The following FAM13A variants were observed in gnomAD, a reference collection of about 807,000 sequenced individuals.
The protein encoded by FAM13A is protein FAM13A.
A neutral mutation model predicts 129.6 loss-of-function variants in FAM13A; 76 were observed. The ratio of observed to expected loss-of-function variants is 0.59; its 90% CI spans 0.49 to 0.71. The LOEUF is 0.71. Among genes scored for constraint, FAM13A ranks in the 30% least tolerant of loss-of-function variants. FAM13A has a pLI of 0.00. For synonymous variants in FAM13A, 443 were observed against 449.9 expected, an observed-to-expected ratio of 0.98 and a Z score of 0.20; for missense variants, 1,108 against 1,249.3, an observed-to-expected ratio of 0.89 and a Z score of 1.70.
chr4:88,886,505 T>C (rs1744444555), intron 6 of FAM13A, among the ~76,000 whole-genome samples: 1 of 152,004 alleles, frequency 6.6e-6, no homozygotes, highest in Non-Finnish European at 1.5e-5. Flanking sequence ...GGAGAATTGC[T>C]TGAACCCAGG....
At chr4:88,905,177 G>A (rs546015004) in intron 6 of FAM13A, among the ~76,000 whole-genome samples, 3 of 152,106 alleles carry the variant, frequency 2.0e-5, no homozygotes, top group South Asian at 2.1e-4. Context: ...ATGTATGAAC[G>A]AGATGGAGTC....
chr4:89,056,836 G>T, intron 1 of FAM13A, 102 bp downstream of exon 1: 2 of 1,174,432 alleles, frequency 1.7e-6, no homozygotes, highest in Non-Finnish European at 2.5e-6. Flanking sequence ...CTCCTGGGAA[G>T]GAAAAATAAG....
chr4:88,892,828 A>G (rs1579151068), intron 6 of FAM13A, among the ~76,000 whole-genome samples: 1 of 152,124 alleles, frequency 6.6e-6, no homozygotes, highest in Admixed American at 6.5e-5. Context: ...AGAATAAACA[A>G]TGCTCATTAT....
At position 88,884,256 on chromosome 4, in the gene FAM13A, C is replaced by T. The variant is rs187041485; in HGVS notation, c.843+22123G>A. Reference sequence around the variant, plus strand: ...CCCTGATGAACACAGATGCAAAAATCCTTAAGCTAACCAAATCCAACAGCA... The same window carrying T: ...CCCTGATGAACACAGATGCAAAAATTCTTAAGCTAACCAAATCCAACAGCA... On this transcript the variant is annotated intron_variant, in intron 6 of 23. Transcript: ENST00000264344. 1.2e-3 allele frequency among the ~76,000 whole-genome samples: 182 copies of T among 151,766 alleles called. 1 individual carries two copies. The highest frequency in any genetic ancestry group is 3.0e-3 in the Admixed American group (46 of 15,264).
At chr4:89,035,924 A>G (rs957129404) in intron 1 of FAM13A, among the ~76,000 whole-genome samples, 1 of 152,132 alleles carries the variant, frequency 6.6e-6, no homozygotes, top group African/African-American at 2.4e-5. Context: ...TAAGGACATG[A>G]GATTTGTGAA....
intron 8 of FAM13A, among the ~76,000 whole-genome samples, chr4:88,799,308 A>C (rs945436600): frequency 1.3e-5 from 2 of 152,176 alleles, no homozygotes; most frequent in Admixed American, 6.5e-5. Flanking sequence ...TTCACAACTA[A>C]AGGATGGCTA....
Position 88,870,847 on chromosome 4 carries a change from T to C in FAM13A, c.844-19664A>G, listed in dbSNP as rs553439537. On this transcript the variant is annotated intron_variant, in intron 6 of 23. Coordinates refer to ENST00000264344, the MANE Select transcript of FAM13A (RefSeq NM_014883.4). ...GTGGGTCCCAGAACTCTGTGTAGCC[T>C]AACTGGGAGACACCTCCCAGTAGGG... is the stretch of plus-strand genomic sequence containing the variant. Among the ~76,000 whole-genome samples the C allele has an allele frequency of 8.3e-4, 126 of 152,324 alleles. 1 individual carries two copies. Among genetic ancestry groups the C allele is most frequent in the Admixed American group, 6.3e-3 (97 of 15,306 alleles).
In FAM13A at chr4:88,768,024, C is replaced by T. The variant is rs1746035603; in HGVS notation, c.1494G>A (p.Glu498=). The T allele has an allele frequency of 3.1e-6, 5 of 1,609,650 alleles. No individual in the cohort carries two copies. The highest frequency in any genetic ancestry group is 4.3e-6 in the Non-Finnish European group (5 of 1,176,276). Residue 498 remains glutamate (E), a synonymous_variant, in exon 12 of 24, where the codon GAG becomes GAA. Coordinates refer to ENST00000264344, the MANE Select transcript of FAM13A (RefSeq NM_014883.4). ...ATTCAAAATCATCAGGTCCAGTTCT[C>T]TCATGAGATCGTGTGGAATTGAGAC... is the stretch of plus-strand genomic sequence containing the variant. ...MESLNSTRSH[E]RTGPDDFEWM... is the part of the protein sequence containing the mutation.
At chr4:88,795,661 C>T (rs1032698781) in intron 8 of FAM13A, among the ~76,000 whole-genome samples, 3 of 151,636 alleles carry the variant, frequency 2.0e-5, no homozygotes, top group Non-Finnish European at 4.4e-5. Context: ...GGTATGTCCT[C>T]GATACTCTGA....
chr4:88,770,253 A>G (rs1720374397), intron 11 of FAM13A, among the ~76,000 whole-genome samples: 1 of 152,236 alleles, frequency 6.6e-6, no homozygotes, highest in Non-Finnish European at 1.5e-5. Context: ...TGCTCTTATT[A>G]CCTGAATGTG....
intron 6 of FAM13A, among the ~76,000 whole-genome samples, chr4:88,903,624 G>T (rs1043884169): frequency 3.7e-4 from 56 of 152,218 alleles, no homozygotes; most frequent in African/African-American, 1.3e-3. Flanking sequence ...ATGGATTAAA[G>T]ATTTCTAGGA....
intron 6 of FAM13A, among the ~76,000 whole-genome samples, chr4:88,888,558 C>G (rs746563696): frequency 2.2e-4 from 34 of 152,052 alleles, no homozygotes; most frequent in Non-Finnish European, 4.6e-4. Flanking sequence ...AAGCAACTAC[C>G]ACTACTATCA....
At chr4:88,891,201 T>A (rs557369194) in intron 6 of FAM13A, among the ~76,000 whole-genome samples, 3 of 152,272 alleles carry the variant, frequency 2.0e-5, no homozygotes, top group African/African-American at 7.2e-5. Flanking sequence ...GGCAGGTGGA[T>A]CGCTTGAGCT....
intron 3 of FAM13A, among the ~76,000 whole-genome samples, chr4:89,020,131 AGTC>A (rs1767043955): frequency 6.6e-6 from 1 of 152,288 alleles, no homozygotes; most frequent in East Asian, 1.9e-4. Flanking sequence ...TTTCATAATC[AGTC>A]TAGTATGATT....
chr4:88,834,039 A>G (rs910120843), intron 7 of FAM13A, among the ~76,000 whole-genome samples: 4 of 144,674 alleles, frequency 2.8e-5, no homozygotes, highest in African/African-American at 1.0e-4. Flanking sequence ...ACAGGTGCAC[A>G]CCACCAGGCC....
rs768341035 is a variant in FAM13A, at chr4:88,747,806, C to T, written c.2207G>A (p.Arg736Gln). ...ISEEDLTPRM[R>Q]QRSNTLPKSF... ...CTTGGGGAGTGTGTTGCTTCGCTGC[C>T]GCATCCTGGGAGTTAGGTCCTCTTC... Residue 736 changes from arginine (R) to glutamine (Q), a missense_variant, in exon 18 of 24, where the codon CGG (arginine) becomes CAG (glutamine). Transcript: ENST00000264344. 1.3e-5 allele frequency: 21 copies of T among 1,614,026 alleles called. No homozygotes were observed. Among genetic ancestry groups the T allele is most frequent in the South Asian group, 3.3e-5 (3 of 91,088 alleles).
chr4:88,972,630 C>G (rs1325181860), intron 4 of FAM13A, among the ~76,000 whole-genome samples: 2 of 151,584 alleles, frequency 1.3e-5, no homozygotes, highest in East Asian at 3.9e-4. Flanking sequence ...GGGGGGAGAA[C>G]AGAGTCTCAC....
intron 3 of FAM13A, among the ~76,000 whole-genome samples, chr4:88,999,394 TTA>T (rs1023962005): frequency 2.5e-4 from 38 of 152,266 alleles, no homozygotes; most frequent in African/African-American, 8.7e-4. Context: ...GTATGAGAAT[TTA>T]TGTACCGAGG....
intron 7 of FAM13A, among the ~76,000 whole-genome samples, chr4:88,841,574 G>T (rs989912381): frequency 2.6e-5 from 4 of 151,784 alleles, no homozygotes; most frequent in Non-Finnish European, 5.9e-5. Flanking sequence ...TCTGATAAGG[G>T]TCTTATATCC....
Sources: gnomAD v4.1 joint callset for allele counts (sites outside exome capture counted in the v4.1 genomes callset) on GRCh38, gnomAD v4.1.1 for gene constraint, MANE v1.5 for transcripts, NCBI Gene and HGNC (gene_info 2026-07-23, HGNC 2026-07-21) for gene names.